GCNT2: variants seen among roughly 807,000 people sequenced by gnomAD.
GCNT2 encodes the protein glucosaminyl (N-acetyl) transferase 2 (I blood group).
GCNT2 carries 34 observed loss-of-function variants against 34.2 expected under a neutral mutation model. The observed-to-expected ratio is 1.00, with a 90% CI of 0.76 to 1.32. The LOEUF (loss-of-function observed/expected upper bound fraction) is 1.32. Among genes scored for constraint, GCNT2 ranks in the 40% most tolerant of loss-of-function variants. The pLI is 0.00. For synonymous variants in GCNT2, 212 were observed against 188.0 expected, an observed-to-expected ratio of 1.13 and a Z score of -1.04; for missense variants, 584 against 489.4, an observed-to-expected ratio of 1.19 and a Z score of -1.82.
intron 3 of GCNT2, among the ~76,000 whole-genome samples, chr6:10,540,384 C>T (rs919351340): frequency 1.8e-5 from 2 of 110,132 alleles, no homozygotes; most frequent in African/African-American, 6.4e-5. Flanking sequence ...TGCTCATTCT[C>T]CTCTGTTCAA....
At chr6:10,594,627 T>G (rs998123527) in intron 3 of GCNT2, among the ~76,000 whole-genome samples, 1 of 152,206 alleles carries the variant, frequency 6.6e-6, no homozygotes, top group African/African-American at 2.4e-5. Flanking sequence ...TAGGTGTTTA[T>G]CCACTTATTA....
intron 3 of GCNT2, chr6:10,586,665 A>G (rs962314357): frequency 6.2e-7 from 1 of 1,614,182 alleles, no homozygotes; most frequent in Non-Finnish European, 8.5e-7. Context: ...TGACCATGCA[A>G]TTAAGCGAAC....
intron 3 of GCNT2, among the ~76,000 whole-genome samples, chr6:10,553,092 A>G (rs764893669): frequency 6.6e-5 from 10 of 152,218 alleles, no homozygotes; most frequent in Admixed American, 4.6e-4. Context: ...GTCCTTTCCC[A>G]ACTAAAGGAT....
chr6:10,620,324 G>A (rs984407401), intron 3 of GCNT2, among the ~76,000 whole-genome samples: 1 of 152,096 alleles, frequency 6.6e-6, no homozygotes, highest in African/African-American at 2.4e-5. Context: ...ACTCACTGGT[G>A]GAAAATGCTG....
At chr6:10,585,835 G>C in intron 3 of GCNT2, 7 of 1,478,262 alleles carry the variant, frequency 4.7e-6, no homozygotes, top group Non-Finnish European at 5.3e-6. Context: ...CCGAAGCAGA[G>C]GATACAGGAG....
intron 4 of GCNT2, among the ~76,000 whole-genome samples, chr6:10,625,927 G>A (rs1318086361): frequency 6.6e-6 from 1 of 152,170 alleles, no homozygotes; most frequent in Non-Finnish European, 1.5e-5. Flanking sequence ...AAAGTTATGT[G>A]AATAAAAGTT....
At chr6:10,624,185 C>T (rs1411993849) in intron 4 of GCNT2, among the ~76,000 whole-genome samples, 2 of 152,190 alleles carry the variant, frequency 1.3e-5, no homozygotes, top group Admixed American at 1.3e-4. Context: ...TTCAGCTTTC[C>T]TGCTCACCTT....
intron 3 of GCNT2, chr6:10,586,791 G>T: frequency 6.2e-7 from 1 of 1,614,008 alleles, no homozygotes. Context: ...TGCCTATGTG[G>T]CGCTTACCAG....
At chr6:10,552,858 A>G (rs953820600) in intron 3 of GCNT2, among the ~76,000 whole-genome samples, 2 of 152,178 alleles carry the variant, frequency 1.3e-5, no homozygotes, top group Non-Finnish European at 2.9e-5. Context: ...TGACTTCTTC[A>G]ATGACAGAGC....
At chr6:10,583,960 G>A (rs517959) in intron 3 of GCNT2, among the ~76,000 whole-genome samples, 5 of 152,048 alleles carry the variant, frequency 3.3e-5, no homozygotes, top group African/African-American at 1.2e-4. Flanking sequence ...CTCCACTCCT[G>A]TGGGTATTTC....
rs559982559 is a variant in GCNT2, at chr6:10,596,478, G to T, written c.926-24873G>T. On this transcript the variant is annotated intron_variant, in intron 3 of 4. Transcript: ENST00000495262. ...GGAGGTTGCAGTGAGCTGAGATTGCGCCACTGCACTCCAGGCTGGGCAAGA... is the reference window on the plus strand; with the variant it reads ...GGAGGTTGCAGTGAGCTGAGATTGCTCCACTGCACTCCAGGCTGGGCAAGA... 3.3e-5 allele frequency among the ~76,000 whole-genome samples: 5 copies of T among 151,750 alleles called. No homozygotes were observed. The East Asian group carries it at 9.7e-4, about 29-fold the overall frequency.
intron 3 of GCNT2, among the ~76,000 whole-genome samples, chr6:10,531,894 T>TA (rs1761509253): frequency 6.7e-6 from 1 of 150,084 alleles, no homozygotes; most frequent in Non-Finnish European, 1.5e-5. Context: ...TTTTTTTTTT[T>TA]AGAGAAGACC....
At chr6:10,596,899 T>C (rs1249663655) in intron 3 of GCNT2, among the ~76,000 whole-genome samples, 1 of 152,194 alleles carries the variant, frequency 6.6e-6, no homozygotes, top group Non-Finnish European at 1.5e-5. Context: ...GTAATTTAAT[T>C]TGAGATGCCT....
chr6:10,600,402 T>C (rs1011716819), intron 3 of GCNT2, among the ~76,000 whole-genome samples: 7 of 152,224 alleles, frequency 4.6e-5, no homozygotes, highest in African/African-American at 1.2e-4. Flanking sequence ...TTCTTTGTAT[T>C]CTTTAATTTA....
chr6:10,538,223 C>T (rs1001662674), intron 3 of GCNT2, among the ~76,000 whole-genome samples: 4 of 151,282 alleles, frequency 2.6e-5, no homozygotes, highest in East Asian at 1.9e-4. Context: ...GCCTGGCCAA[C>T]GTGATGAAAC....
chr6:10,524,708 A>C lies in GCNT2; in HGVS notation c.-468-2766A>C, dbSNP rs185201329. ...GCCAGGCATGGTGGTGCATACCTGT[A>C]AGCCCAGCTACTTGGGAGGCTGAGG... On this transcript the variant is annotated intron_variant, in intron 1 of 4. Coordinates refer to ENST00000495262, the MANE Select transcript of GCNT2 (RefSeq NM_145649.5). 2.4e-4 allele frequency among the ~76,000 whole-genome samples: 36 copies of C among 152,194 alleles called. 1 individual carries two copies. The highest frequency in any genetic ancestry group is 3.8e-4 in the Non-Finnish European group (26 of 67,990).
intron 3 of GCNT2, among the ~76,000 whole-genome samples, chr6:10,546,400 T>C (rs1367419320): frequency 1.3e-5 from 2 of 152,186 alleles, no homozygotes; most frequent in Non-Finnish European, 2.9e-5. Context: ...GGCTGATGAC[T>C]GTAATCCCAG....
At position 10,568,862 on chromosome 6, in the gene GCNT2, T is replaced by C. The variant is rs991550557; in HGVS notation, c.925+39026T>C. On this transcript the variant is annotated intron_variant, in intron 3 of 4. Coordinates refer to ENST00000495262, the MANE Select transcript of GCNT2 (RefSeq NM_145649.5). ...TCTCTCCATTTAAATAATGGCCTTG[T>C]TTAATGGTATGTCATTCAATGGTAA... Among the ~76,000 whole-genome samples, 3 of 152,284 alleles carry C rather than the reference T, an allele frequency of 2.0e-5. No individual in the cohort carries two copies. The East Asian group carries it at 5.8e-4, about 29-fold the overall frequency.
At chr6:10,623,541 C>T (rs1338932386) in intron 4 of GCNT2, among the ~76,000 whole-genome samples, 11 of 151,796 alleles carry the variant, frequency 7.2e-5, no homozygotes, top group African/African-American at 2.4e-4. Context: ...CCACCTGCGT[C>T]GGCCTCCCAA....
Sources: gnomAD v4.1 joint callset for allele counts (sites outside exome capture counted in the v4.1 genomes callset) on GRCh38, gnomAD v4.1.1 for gene constraint, MANE v1.5 for transcripts, NCBI Gene and HGNC (gene_info 2026-07-23, HGNC 2026-07-21) for gene names.